PC: variants seen among roughly 807,000 people sequenced by gnomAD.
PC encodes pyruvate carboxylase, mitochondrial.
In PC, 46 loss-of-function variants were observed where a neutral mutation model predicts 107.8. That is an observed-to-expected ratio of 0.43 (90% CI 0.34 to 0.55). The LOEUF is 0.55. PC is among the 20% of genes least tolerant of loss of function. PC has a pLI of 0.04. For synonymous variants in PC, 662 were observed against 684.7 expected (o/e 0.97, Z 0.52); for missense variants, 1,241 against 1,643.1 (o/e 0.76, Z 4.23).
At chr11:66,922,010 A>G (rs1397012893) in intron 3 of PC, among the ~76,000 whole-genome samples, 1 of 152,092 alleles carries the variant, frequency 6.6e-6, no homozygotes, top group Non-Finnish European at 1.5e-5. Context: ...TCCTCATGAC[A>G]ATTCCCCTGT....
At chr11:66,909,011 C>T (rs890345074) in intron 3 of PC, among the ~76,000 whole-genome samples, 1 of 152,172 alleles carries the variant, frequency 6.6e-6, no homozygotes, top group Non-Finnish European at 1.5e-5. Context: ...CAGAATGAGA[C>T]TCAAACCAGG....
At position 66,859,610 on chromosome 11, in the gene PC, G is replaced by C. The variant is rs199571830; in HGVS notation, c.1368+4164C>G. 8.7e-5 allele frequency: 141 copies of C among 1,612,072 alleles called. No individual in the cohort carries two copies. In the African/African-American group the frequency reaches 1.8e-3, roughly 21 times the overall value. On this transcript the variant is annotated intron_variant, in intron 12 of 22. Transcript: ENST00000393960. ...GGATGGGGCTAGACCCCAGCCCCGG[G>C]CTCTGACCACCTGCCCTTGCCTGCA...
intron 3 of PC, among the ~76,000 whole-genome samples, chr11:66,906,820 C>A (rs1253466786): frequency 1.3e-5 from 2 of 152,190 alleles, no homozygotes; most frequent in South Asian, 4.1e-4. Flanking sequence ...GGGAGATGTT[C>A]TCTCCCCTTA....
intron 11 of PC, among the ~76,000 whole-genome samples, chr11:66,865,951 C>T (rs981111296): frequency 2.6e-5 from 4 of 152,182 alleles, no homozygotes; most frequent in Admixed American, 6.5e-5. Flanking sequence ...GCCTGCTCCC[C>T]GCTCCCACCC....
rs1945309373 is a variant in PC, at chr11:66,849,043, C to T, written c.3393G>A (p.Val1131=). ...GCACACACAGGGGCTGGCCCTTGGC[C>T]ACCTTGGCCCCTGCCACCACTTTGA... ...IDIKVVAGAK[V]AKGQPLCVLS... is the part of the protein sequence containing the mutation. Residue 1131 remains valine, a synonymous_variant, in exon 23 of 23, where the codon GTG becomes GTA. Transcript: ENST00000393960. 1 of 1,614,086 alleles carries T rather than the reference C, an allele frequency of 6.2e-7. No homozygotes were observed. Among genetic ancestry groups the T allele is most frequent in the Non-Finnish European group, 8.5e-7 (1 of 1,180,032 alleles).
chr11:66,880,114 C>A (rs549243203), intron 3 of PC, among the ~76,000 whole-genome samples: 3 of 152,344 alleles, frequency 2.0e-5, no homozygotes, highest in Admixed American at 1.3e-4. Flanking sequence ...CGCCTGCACC[C>A]TTCCTAGAAC....
At chr11:66,865,227 C>A (rs1005414895) in intron 11 of PC, among the ~76,000 whole-genome samples, 1 of 152,228 alleles carries the variant, frequency 6.6e-6, no homozygotes, top group Non-Finnish European at 1.5e-5. Context: ...CTACCCCCAG[C>A]CTCCCCAGCC....
intron 3 of PC, among the ~76,000 whole-genome samples, chr11:66,900,948 C>T (rs546806815): frequency 2.5e-4 from 38 of 152,204 alleles, no homozygotes; most frequent in South Asian, 1.2e-3. Context: ...TTTACCTCTT[C>T]CTTTCCAATC....
At position 66,943,493 on chromosome 11, in the gene PC, C is replaced by T. The variant is rs1048400971; in HGVS notation, c.-1+8937G>A. Among the ~76,000 whole-genome samples the T allele has an allele frequency of 7.9e-5, 12 of 151,946 alleles. No individual in the cohort carries two copies. The South Asian group carries it at 1.9e-3, about 24-fold the overall frequency. ...GTGGCTCACGCCTGTAATCCCAACACTTTGGGAGGCCGAGGCCCGGATCAT... is the reference window on the plus strand; with the variant it reads ...GTGGCTCACGCCTGTAATCCCAACATTTTGGGAGGCCGAGGCCCGGATCAT... On this transcript the variant is annotated intron_variant, in intron 3 of 22. Coordinates refer to ENST00000393960, the MANE Select transcript of PC (RefSeq NM_001040716.2).
At chr11:66,930,106 T>C (rs538206526) in intron 3 of PC, among the ~76,000 whole-genome samples, 1 of 151,554 alleles carries the variant, frequency 6.6e-6, no homozygotes. Flanking sequence ...ACCAAGAAAC[T>C]TGATGTACCC....
chr11:66,935,286 A>G (rs1278245758), intron 3 of PC, among the ~76,000 whole-genome samples: 3 of 152,260 alleles, frequency 2.0e-5, no homozygotes, highest in Non-Finnish European at 2.9e-5. Flanking sequence ...TATCAGAAGT[A>G]TAAATGGACA....
chr11:66,850,301 G>A lies in PC; in HGVS notation c.2637C>T (p.His879=), dbSNP rs1255657554. ...GQYTNLHFQA[H]SMGLGSKFKE... is the part of the protein sequence containing the mutation. ...TGAACTTGGAGCCAAGCCCCATGCT[G>A]TGGGCCTGGAAGTGCAGGTTGGTGT... The change falls in exon 19 of 23, where the codon CAC becomes CAT. Residue 879 remains histidine, a synonymous_variant. Transcript: ENST00000393960. 3.7e-6 allele frequency: 6 copies of A among 1,614,034 alleles called. No homozygotes were observed. In the Admixed American group the frequency reaches 1.0e-4, roughly 27 times the overall value.
At chr11:66,907,045 T>C (rs1948187569) in intron 3 of PC, among the ~76,000 whole-genome samples, 1 of 152,196 alleles carries the variant, frequency 6.6e-6, no homozygotes, top group Non-Finnish European at 1.5e-5. Flanking sequence ...GCTGGGGAGC[T>C]GGAGCACAGC....
chr11:66,872,970 G>A (rs1007825153), intron 3 of PC, among the ~76,000 whole-genome samples: 1 of 151,356 alleles, frequency 6.6e-6, no homozygotes, highest in Non-Finnish European at 1.5e-5. Flanking sequence ...CTAGAAGACA[G>A]AGGTTGCAGT....
Position 66,866,575 on chromosome 11 carries a change from G to A in PC, c.1023-226C>T, listed in dbSNP as rs1946506439. 6.6e-6 allele frequency among the ~76,000 whole-genome samples: 1 copy of A among 152,154 alleles called. No homozygotes were observed. The highest frequency in any genetic ancestry group is 1.5e-5 in the Non-Finnish European group (1 of 68,022). The stretch of plus-strand genomic sequence containing the variant: ...CTAAACTACACAGTGCCTGGCAGCT[G>A]GAGATGGCCCGCTGAAATACCAGGA... On this transcript the variant is annotated intron_variant, in intron 10 of 22. Coordinates refer to ENST00000393960, the MANE Select transcript of PC (RefSeq NM_001040716.2). This position sits in a 1 kb window ranked among gnomAD's most constrained non-coding sequence, Gnocchi z 5.4.
At chr11:66,900,375 G>A (rs987457724) in intron 3 of PC, among the ~76,000 whole-genome samples, 1 of 151,932 alleles carries the variant, frequency 6.6e-6, no homozygotes, top group Non-Finnish European at 1.5e-5. Context: ...TGTTAGCCAG[G>A]ATGGTCTTGA....
At chr11:66,927,723 C>CAA (rs568408958) in intron 3 of PC, among the ~76,000 whole-genome samples, 5 of 96,074 alleles carry the variant, frequency 5.2e-5, no homozygotes, top group African/African-American at 1.1e-4. Flanking sequence ...AAGTCCGTCT[C>CAA]AAAAAAAAAA....
At chr11:66,939,240 A>G (rs904062464) in intron 3 of PC, among the ~76,000 whole-genome samples, 7 of 152,274 alleles carry the variant, frequency 4.6e-5, no homozygotes, top group Non-Finnish European at 8.8e-5. Flanking sequence ...AGAACTATTT[A>G]CATGGCATTT....
chr11:66,872,545 G>A (rs1025419477), intron 3 of PC, among the ~76,000 whole-genome samples: 23 of 151,886 alleles, frequency 1.5e-4, no homozygotes, highest in African/African-American at 1.9e-4. Flanking sequence ...TGGCTAACAC[G>A]GTGAAACCCC....
Sources: allele counts gnomAD v4.1 joint callset (sites outside exome capture counted in the v4.1 genomes callset), GRCh38; gene constraint gnomAD v4.1.1; non-coding constraint Gnocchi (gnomAD v3.1); transcripts MANE v1.5; gene names NCBI Gene and HGNC (gene_info 2026-07-23, HGNC 2026-07-21).